Variants in TOMM20L observed in about 807,000 individuals in gnomAD.
The protein encoded by TOMM20L is TOMM20-like protein 1.
Under a neutral mutation model 20.4 loss-of-function variants are expected in TOMM20L, and 19 were observed. The observed-to-expected ratio is 0.93, with a 90% confidence interval of 0.65 to 1.36. TOMM20L has a LOEUF of 1.36. Among genes scored for constraint, TOMM20L ranks in the 40% most tolerant of loss-of-function variants. TOMM20L has a pLI of 0.00. For missense variants in TOMM20L, 218 were observed against 203.7 expected, an observed-to-expected ratio of 1.07 and a Z score of -0.43; for synonymous variants, 75 against 79.6, an observed-to-expected ratio of 0.94 and a Z score of 0.30.
intron 3 of TOMM20L, among the ~76,000 whole-genome samples, chr14:58,406,637 T>C (rs1286137529): frequency 6.6e-6 from 1 of 152,222 alleles, no homozygotes; most frequent in Non-Finnish European, 1.5e-5. Flanking sequence ...AAACTATACA[T>C]CATTTCACTG....
rs869260438 is a variant in TOMM20L, at chr14:58,399,885, CATATATATATATAT to C, written c.181-2764_181-2751del. Among the ~76,000 whole-genome samples the C allele has an allele frequency of 2.1e-3, 78 of 37,314 alleles. 2 individuals are homozygous for C. The highest frequency in any genetic ancestry group is 0.018 in the East Asian group (17 of 966). The allele number at this position is 37,314 out of a possible 152,430, so 24.5% of individuals were successfully genotyped here. A position where few individuals can be genotyped will look rare whatever the true frequency, so the allele number is the denominator to read the frequency against. ...ATTCTTATTTTCAAATGCTCTATTG[CATATATATATATAT>C]ATATATATATATATATATATATATA... is the stretch of plus-strand genomic sequence containing the variant. On this transcript the variant is annotated intron_variant, in intron 2 of 4. Coordinates refer to ENST00000360945, the MANE Select transcript of TOMM20L (RefSeq NM_207377.3).
downstream of TOMM20L, among the ~76,000 whole-genome samples, chr14:58,411,312 G>C (rs917899392): frequency 8.6e-5 from 13 of 152,020 alleles, no homozygotes; most frequent in African/African-American, 3.1e-4. Flanking sequence ...GCCAGGCGTG[G>C]TGGCGCATGC....
chr14:58,396,064 A>C lies in TOMM20L; in HGVS notation c.107A>C (p.Asp36Ala). Residue 36 changes from aspartate (D) to alanine (A), a missense_variant, in exon 1 of 5, where the codon GAC becomes GCC. Physicochemically the swap from Asp to Ala is moderately radical, Grantham distance 126. Coordinates refer to ENST00000360945, the MANE Select transcript of TOMM20L (RefSeq NM_207377.3). Reference sequence around the variant, plus strand: ...TACCTCAACCGGAAGCGGCGCGGGGACCCCGCGTTCAAGCGCCGCCTGCGG... The same window carrying C: ...TACCTCAACCGGAAGCGGCGCGGGGCCCCCGCGTTCAAGCGCCGCCTGCGG... The part of the protein sequence containing the change: ...CIYLNRKRRG[D>A]PAFKRRLRDK... The C allele has an allele frequency of 7.1e-7, 1 of 1,408,664 alleles. No homozygotes were observed. Among genetic ancestry groups the C allele is most frequent in the Non-Finnish European group, 9.3e-7 (1 of 1,076,980 alleles). The allele number at this position is 1,408,664 out of a possible 1,614,324, so 87.3% of individuals were successfully genotyped here. A position where few individuals can be genotyped will look rare whatever the true frequency, so the allele number is the denominator to read the frequency against.
chr14:58,409,700 T>C (rs1389222508), downstream of TOMM20L, among the ~76,000 whole-genome samples: 2 of 151,956 alleles, frequency 1.3e-5, no homozygotes, highest in Non-Finnish European at 2.9e-5. Context: ...TGCCTCAGCA[T>C]CCCGAGTAGC....
intron 3 of TOMM20L, 74 bp downstream of exon 3, chr14:58,402,835 T>G: frequency 8.7e-7 from 1 of 1,151,150 alleles, no homozygotes; most frequent in Non-Finnish European, 1.3e-6. Flanking sequence ...AGTATTTGTA[T>G]GTCAAATAAC....
intron 4 of TOMM20L, 49 bp from the exon 5 acceptor site, chr14:58,408,480 G>C: frequency 6.5e-7 from 1 of 1,530,558 alleles, no homozygotes; most frequent in Non-Finnish European, 9.0e-7. Context: ...GCAAGAAAAG[G>C]ATCATGCATT....
intron 2 of TOMM20L, among the ~76,000 whole-genome samples, chr14:58,399,565 G>C (rs2035965247): frequency 6.6e-6 from 1 of 151,858 alleles, no homozygotes; most frequent in Admixed American, 6.6e-5. Flanking sequence ...ATGGGCCTTG[G>C]GTTCTGTATT....
At chr14:58,413,634 A>G (rs2036291099), downstream of TOMM20L, among the ~76,000 whole-genome samples, 1 of 152,228 alleles carries the variant, frequency 6.6e-6, no homozygotes, top group Non-Finnish European at 1.5e-5. Flanking sequence ...GTTAATCTAG[A>G]TATAAGAATG....
intron 2 of TOMM20L, among the ~76,000 whole-genome samples, chr14:58,401,413 T>C (rs1254797760): frequency 6.6e-6 from 1 of 151,854 alleles, no homozygotes; most frequent in Non-Finnish European, 1.5e-5. Flanking sequence ...CTACTAAAAA[T>C]ACAAGAATTA....
At chr14:58,402,806 T>C (rs1385703245) in intron 3 of TOMM20L, 45 bp downstream of exon 3, 1 of 1,366,212 alleles carries the variant, frequency 7.3e-7, no homozygotes, top group Non-Finnish European at 1.0e-6. Flanking sequence ...AGCTTATACT[T>C]GAGAAATATT....
downstream of TOMM20L, among the ~76,000 whole-genome samples, chr14:58,411,705 A>G (rs1039370760): frequency 5.3e-5 from 8 of 151,728 alleles, no homozygotes; most frequent in African/African-American, 1.9e-4. Flanking sequence ...CGCCCAGCTA[A>G]TTTTTGTATT....
At chr14:58,402,631 T>C (rs2036005562) in intron 2 of TOMM20L, 49 bp from the exon 3 acceptor site, 1 of 1,431,106 alleles carries the variant, frequency 7.0e-7, no homozygotes, top group Admixed American at 1.7e-5. Flanking sequence ...TCAGTAGCCA[T>C]ATACCTTACC....
intron 3 of TOMM20L, among the ~76,000 whole-genome samples, chr14:58,404,111 A>G (rs1439529153): frequency 5.7e-5 from 1 of 17,646 alleles, no homozygotes; most frequent in Non-Finnish European, 1.5e-4. Context: ...ATATATATAT[A>G]TATATATATT....
chr14:58,416,104 T>C, the TOMM20L span, among the ~76,000 whole-genome samples: 1 of 150,986 alleles, frequency 6.6e-6, no homozygotes, highest in Non-Finnish European at 1.5e-5. Flanking sequence ...GGCACACACC[T>C]GTAATCCCAG....
intron 4 of TOMM20L, among the ~76,000 whole-genome samples, chr14:58,408,132 T>C (rs1445379723): frequency 1.3e-5 from 2 of 152,090 alleles, no homozygotes; most frequent in African/African-American, 2.4e-5. Flanking sequence ...AGGTAAGATA[T>C]GTGGCCAGGC....
downstream of TOMM20L, chr14:58,408,872 T>C (rs762189983): frequency 2.0e-5 from 20 of 987,430 alleles, no homozygotes; most frequent in Non-Finnish European, 2.6e-5. Flanking sequence ...TCCTGGTAAA[T>C]AGCAATTTTG....
chr14:58,406,907 T>A (rs1186422858), intron 3 of TOMM20L, among the ~76,000 whole-genome samples: 4 of 152,188 alleles, frequency 2.6e-5, no homozygotes, highest in Non-Finnish European at 4.4e-5. Flanking sequence ...GAAATCTATT[T>A]TTTTTAAGTT....
At chr14:58,416,781 G>C in the TOMM20L span, among the ~76,000 whole-genome samples, 3 of 152,180 alleles carry the variant, frequency 2.0e-5, no homozygotes, top group East Asian at 5.8e-4. Flanking sequence ...TCAGTGCCAT[G>C]AGAAAAAGTT....
chr14:58,407,740 A>G (rs1409086275), intron 4 of TOMM20L, among the ~76,000 whole-genome samples: 2 of 152,252 alleles, frequency 1.3e-5, no homozygotes, highest in Non-Finnish European at 2.9e-5. Context: ...TACAAAACAT[A>G]GAAATCACTT....
Sources: gnomAD v4.1 joint callset for allele counts (sites outside exome capture counted in the v4.1 genomes callset) on GRCh38, gnomAD v4.1.1 for gene constraint, MANE v1.5 for transcripts, NCBI Gene and HGNC (gene_info 2026-07-23, HGNC 2026-07-21) for gene names.